Variants in RAB38 observed in about 807,000 individuals in gnomAD.
The protein encoded by RAB38 is ras-related protein Rab-38.
A neutral mutation model predicts 18.4 loss-of-function variants in RAB38; 15 were observed. That is an observed-to-expected ratio of 0.82 (90% confidence interval 0.55 to 1.26). The LOEUF is 1.26. Among genes scored for constraint, RAB38 ranks in the 50% most tolerant of loss-of-function variants. RAB38 has a pLI of 0.00. For missense variants in RAB38, 294 were observed against 267.4 expected (o/e 1.10, Z -0.69); for synonymous variants, 101 against 104.4 (o/e 0.97, Z 0.20).
intron 2 of RAB38, among the ~76,000 whole-genome samples, chr11:88,114,619 G>C (rs1305504460): frequency 6.6e-6 from 1 of 152,206 alleles, no homozygotes; most frequent in Admixed American, 6.5e-5. Flanking sequence ...AAATGGGGAA[G>C]AGTACACTGT....
At chr11:88,102,805 C>G in the RAB38 span, among the ~76,000 whole-genome samples, 1 of 152,034 alleles carries the variant, frequency 6.6e-6, no homozygotes, top group Non-Finnish European at 1.5e-5. Context: ...TACAGGCTTG[C>G]ACGCATCTCA....
the RAB38 span, among the ~76,000 whole-genome samples, chr11:87,937,137 A>G: frequency 6.6e-6 from 1 of 151,632 alleles, no homozygotes; most frequent in Non-Finnish European, 1.5e-5. Flanking sequence ...TTAACCAACT[A>G]CTTTTCTGAC....
the RAB38 span, among the ~76,000 whole-genome samples, chr11:87,850,431 AAAT>A: frequency 2.0e-5 from 3 of 152,030 alleles, no homozygotes; most frequent in African/African-American, 7.2e-5. Flanking sequence ...CCACCTCCAC[AAAT>A]AATCAAAATC....
the RAB38 span, among the ~76,000 whole-genome samples, chr11:88,079,754 C>G: frequency 6.6e-6 from 1 of 151,138 alleles, no homozygotes; most frequent in Middle Eastern, 3.4e-3. Flanking sequence ...GCAAATCAAT[C>G]TAAGTAATTC....
the RAB38 span, among the ~76,000 whole-genome samples, chr11:87,865,424 T>C: frequency 6.6e-6 from 1 of 151,780 alleles, no homozygotes; most frequent in African/African-American, 2.4e-5. Flanking sequence ...GCTTTGAAGA[T>C]GGAGGAAGTG....
the RAB38 span, among the ~76,000 whole-genome samples, chr11:87,966,330 G>A: frequency 1.3e-5 from 2 of 152,062 alleles, no homozygotes; most frequent in African/African-American, 4.8e-5. Context: ...ACATGTAGAG[G>A]AGTATTGGTG....
the RAB38 span, among the ~76,000 whole-genome samples, chr11:87,927,564 C>A: frequency 6.6e-6 from 1 of 151,942 alleles, no homozygotes; most frequent in Non-Finnish European, 1.5e-5. Context: ...AAGAAGCCTT[C>A]CTCCTATCCC....
chr11:88,079,798 T>C, the RAB38 span, among the ~76,000 whole-genome samples: 32 of 151,606 alleles, frequency 2.1e-4, no homozygotes, highest in Non-Finnish European at 8.9e-5. Context: ...AAAAAAAATA[T>C]AGTAATCTCG....
intron 1 of RAB38, among the ~76,000 whole-genome samples, chr11:88,169,815 G>A (rs1265897239): frequency 3.3e-5 from 5 of 152,214 alleles, no homozygotes; most frequent in Non-Finnish European, 7.4e-5. Flanking sequence ...CTGAAGTTAT[G>A]TCTATCAATG....
intron 2 of RAB38, among the ~76,000 whole-genome samples, chr11:88,128,917 G>A (rs987413854): frequency 5.3e-5 from 8 of 152,190 alleles, no homozygotes; most frequent in Non-Finnish European, 8.8e-5. Flanking sequence ...CTTGCAGCAG[G>A]AGAGGAAGAG....
the RAB38 span, among the ~76,000 whole-genome samples, chr11:88,094,227 C>A: frequency 0.31 from 46,762 of 151,688 alleles, 8,476 homozygotes; most frequent in East Asian, 0.52. Context: ...CTATTCTCTC[C>A]AATTCCTAGA....
chr11:88,032,424 AC>A, the RAB38 span, among the ~76,000 whole-genome samples: 218 of 152,346 alleles, frequency 1.4e-3, no homozygotes, highest in African/African-American at 4.9e-3. Context: ...AAAATAAAGT[AC>A]CATCAGAGTG....
At chr11:88,152,528 T>C (rs566892578) in intron 1 of RAB38, among the ~76,000 whole-genome samples, 1 of 152,302 alleles carries the variant, frequency 6.6e-6, no homozygotes, top group South Asian at 2.1e-4. Flanking sequence ...TGTTTATATG[T>C]TCAGGTCACT....
chr11:87,836,430 TA>T, the RAB38 span, among the ~76,000 whole-genome samples: 3 of 152,158 alleles, frequency 2.0e-5, no homozygotes, highest in Non-Finnish European at 4.4e-5. Context: ...CCCGTTCAAT[TA>T]ATCATGGTGT....
At chr11:88,146,987 T>C (rs1257439169) in intron 2 of RAB38, among the ~76,000 whole-genome samples, 1 of 152,192 alleles carries the variant, frequency 6.6e-6, no homozygotes, top group East Asian at 1.9e-4. Context: ...TACTAAACAT[T>C]GTGTCCTTAA....
the RAB38 span, among the ~76,000 whole-genome samples, chr11:88,017,075 C>T: frequency 6.6e-6 from 1 of 151,972 alleles, no homozygotes; most frequent in Non-Finnish European, 1.5e-5. Flanking sequence ...CAAAGCTTAA[C>T]TTCGAATTTG....
At chr11:87,878,055 A>G in the RAB38 span, among the ~76,000 whole-genome samples, 1 of 150,674 alleles carries the variant, frequency 6.6e-6, no homozygotes, top group Non-Finnish European at 1.5e-5. Flanking sequence ...AGCCAGAGAG[A>G]ATTTAAATTA....
intron 2 of RAB38, chr11:88,115,719 G>C (rs1225368625): frequency 1.3e-5 from 2 of 152,088 alleles, no homozygotes; most frequent in Non-Finnish European, 2.9e-5. Flanking sequence ...CCTTTCCCCA[G>C]CTATAAAATG....
chr11:88,142,448 G>A (rs1333245284), intron 2 of RAB38, among the ~76,000 whole-genome samples: 1 of 152,212 alleles, frequency 6.6e-6, no homozygotes, highest in Non-Finnish European at 1.5e-5. Context: ...AGCATCCTAT[G>A]CACTGAAGCA....
Sources: allele counts gnomAD v4.1 joint callset (sites outside exome capture counted in the v4.1 genomes callset), GRCh38; gene constraint gnomAD v4.1.1; transcripts MANE v1.5; gene names NCBI Gene and HGNC (gene_info 2026-07-23, HGNC 2026-07-21).